The following LRMDA variants were observed in gnomAD, a reference collection of about 807,000 sequenced individuals.
The protein encoded by LRMDA is leucine rich melanocyte differentiation associated.
LRMDA carries 18 observed loss-of-function variants against 29.8 expected under a neutral mutation model. The ratio of observed to expected loss-of-function variants is 0.60; its 90% CI spans 0.42 to 0.90. The LOEUF is 0.90. Ranked by LOEUF, LRMDA falls within the 40% of genes least tolerant of loss-of-function variation. The pLI is 0.00. For synonymous variants in LRMDA, 125 were observed against 109.4 expected (o/e 1.14, Z -0.89); for missense variants, 273 against 273.9 (o/e 1.00, Z 0.02).
At chr10:76,392,096 C>T (rs1841729448) in intron 6 of LRMDA, among the ~76,000 whole-genome samples, 1 of 152,088 alleles carries the variant, frequency 6.6e-6, no homozygotes, top group Admixed American at 6.5e-5. Flanking sequence ...ATAATGTTGA[C>T]CATAAGTTAG....
At chr10:76,006,087 C>G (rs1437866863) in intron 2 of LRMDA, among the ~76,000 whole-genome samples, 1 of 152,018 alleles carries the variant, frequency 6.6e-6, no homozygotes, top group Non-Finnish European at 1.5e-5. Context: ...ACAGATCCGC[C>G]AATGAGAAAA....
chr10:76,160,627 C>A (rs912003754), intron 5 of LRMDA, among the ~76,000 whole-genome samples: 3 of 152,162 alleles, frequency 2.0e-5, no homozygotes, highest in Non-Finnish European at 4.4e-5. Context: ...TCTATACTTA[C>A]AATTTTTTTG....
chr10:76,134,170 AG>A (rs150402352), intron 5 of LRMDA, among the ~76,000 whole-genome samples: 1,859 of 152,362 alleles, frequency 0.012, 38 homozygotes, highest in African/African-American at 0.043. Flanking sequence ...TCCCTGACAA[AG>A]ATGAATCACG....
chr10:76,289,147 C>T (rs1417825526), intron 5 of LRMDA, among the ~76,000 whole-genome samples: 3 of 152,120 alleles, frequency 2.0e-5, no homozygotes, highest in Non-Finnish European at 4.4e-5. Flanking sequence ...GTATCTTTCT[C>T]TAGGAAGGAC....
At chr10:75,475,647 T>A (rs1405667792) in intron 2 of LRMDA, among the ~76,000 whole-genome samples, 1 of 152,220 alleles carries the variant, frequency 6.6e-6, no homozygotes, top group Non-Finnish European at 1.5e-5. Context: ...CTTTCTCCTA[T>A]AATAGAATCC....
At chr10:76,487,406 G>A (rs148015690) in intron 6 of LRMDA, among the ~76,000 whole-genome samples, 23 of 151,934 alleles carry the variant, frequency 1.5e-4, no homozygotes, top group African/African-American at 4.8e-4. Context: ...AGGTAAGGAG[G>A]ACACCTGGGA....
intron 5 of LRMDA, among the ~76,000 whole-genome samples, chr10:76,231,168 GA>G (rs948846338): frequency 2.6e-5 from 4 of 151,070 alleles, no homozygotes; most frequent in South Asian, 2.1e-4. Context: ...AAAAGAAAAA[GA>G]AAAAAAAATC....
intron 2 of LRMDA, among the ~76,000 whole-genome samples, chr10:75,579,162 G>C (rs1329766099): frequency 6.6e-6 from 1 of 152,070 alleles, no homozygotes; most frequent in African/African-American, 2.4e-5. Flanking sequence ...CAACAAAATA[G>C]ATAGACCACT....
chr10:76,477,495 C>T (rs961957637), intron 6 of LRMDA, among the ~76,000 whole-genome samples: 1 of 151,944 alleles, frequency 6.6e-6, no homozygotes, highest in African/African-American at 2.4e-5. Context: ...TTTATAGATT[C>T]AATGCCATCC....
chr10:75,960,704 C>A (rs1433723707), intron 2 of LRMDA, among the ~76,000 whole-genome samples: 1 of 152,158 alleles, frequency 6.6e-6, no homozygotes, highest in Non-Finnish European at 1.5e-5. Flanking sequence ...ACCTCTGTCT[C>A]CAGGGTTCAA....
At chr10:76,424,415 T>C (rs988790660) in intron 6 of LRMDA, among the ~76,000 whole-genome samples, 1 of 152,178 alleles carries the variant, frequency 6.6e-6, no homozygotes, top group African/African-American at 2.4e-5. Context: ...GGCAGGCACC[T>C]GTAGTCCCAG....
At chr10:76,304,190 A>G (rs543040117) in intron 5 of LRMDA, among the ~76,000 whole-genome samples, 15 of 152,280 alleles carry the variant, frequency 9.9e-5, no homozygotes, top group African/African-American at 2.9e-4. Context: ...GGGTATAACA[A>G]AAAGAAAGCT....
chr10:75,450,936 A>G (rs1844453682), intron 2 of LRMDA: 1 of 152,258 alleles, frequency 6.6e-6, no homozygotes, highest in African/African-American at 2.4e-5. Flanking sequence ...ACAAGACATG[A>G]AAAATCACCT....
At chr10:75,861,745 A>G (rs1401133229) in intron 2 of LRMDA, among the ~76,000 whole-genome samples, 3 of 152,318 alleles carry the variant, frequency 2.0e-5, no homozygotes, top group East Asian at 1.9e-4. Flanking sequence ...GTGGCCCCCA[A>G]TGAACCACAC....
intron 6 of LRMDA, among the ~76,000 whole-genome samples, chr10:76,353,259 AC>A (rs964053213): frequency 1.5e-4 from 23 of 151,498 alleles, no homozygotes; most frequent in African/African-American, 5.1e-4. Flanking sequence ...TTCCCTAAGA[AC>A]TTTTTTTGGG....
chr10:75,716,782 G>A (rs1430564687), intron 2 of LRMDA, among the ~76,000 whole-genome samples: 1 of 152,096 alleles, frequency 6.6e-6, no homozygotes, highest in African/African-American at 2.4e-5. Context: ...CACATAAAAG[G>A]TGAGTGACTC....
At chr10:75,719,278 T>C (rs911500591) in intron 2 of LRMDA, among the ~76,000 whole-genome samples, 1 of 152,222 alleles carries the variant, frequency 6.6e-6, no homozygotes, top group Non-Finnish European at 1.5e-5. Flanking sequence ...AGATGATGTA[T>C]CTGAAGAGCT....
chr10:75,597,918 A>G (rs1051240472), intron 2 of LRMDA, among the ~76,000 whole-genome samples: 1 of 152,078 alleles, frequency 6.6e-6, no homozygotes, highest in African/African-American at 2.4e-5. Context: ...CAATGTGTCA[A>G]GCTGTCAGCC....
At chr10:76,327,676 G>C (rs570774294) in intron 6 of LRMDA, among the ~76,000 whole-genome samples, 59 of 152,276 alleles carry the variant, frequency 3.9e-4, no homozygotes, top group African/African-American at 1.2e-3. Context: ...CCAGGGGAAG[G>C]GTGAGTATCT....
Sources: allele counts gnomAD v4.1 joint callset (sites outside exome capture counted in the v4.1 genomes callset), GRCh38; gene constraint gnomAD v4.1.1; transcripts MANE v1.5; gene names NCBI Gene and HGNC (gene_info 2026-07-23, HGNC 2026-07-21).